TJP1: variants seen among roughly 807,000 people sequenced by gnomAD.
TJP1 encodes the protein tight junction protein ZO-1.
A neutral mutation model predicts 194.2 loss-of-function variants in TJP1; 43 were observed. The observed-to-expected ratio is 0.22, with a 90% confidence interval of 0.17 to 0.29. TJP1 has a LOEUF of 0.29. TJP1 is among the 10% of genes least tolerant of loss of function. The pLI is 1.00. For synonymous variants in TJP1, 801 were observed against 779.0 expected (o/e 1.03, Z -0.47); for missense variants, 1,971 against 2,185.7 (o/e 0.90, Z 1.96).
At chr15:29,933,112 G>A (rs2054773131) in intron 2 of TJP1, among the ~76,000 whole-genome samples, 2 of 151,990 alleles carry the variant, frequency 1.3e-5, no homozygotes, top group Non-Finnish European at 2.9e-5. Flanking sequence ...TCAATATTTT[G>A]GATTTTTTCT....
In TJP1 at chr15:29,700,534, G is replaced by A; in HGVS notation, c.*1061C>T. On this transcript the variant is annotated 3_prime_UTR_variant, in exon 28 of 28. Transcript: ENST00000614355. ...AAAGTTCAAGGCTCAAGAGGTACAGGAGAGAATACAAAGGTAGCCTTTAGA... is the reference window on the plus strand; with the variant it reads ...AAAGTTCAAGGCTCAAGAGGTACAGAAGAGAATACAAAGGTAGCCTTTAGA... 1 of 398,602 alleles carries A rather than the reference G, an allele frequency of 2.5e-6. No individual in the cohort carries two copies. The highest frequency in any genetic ancestry group is 4.4e-6 in the Non-Finnish European group (1 of 225,988). 24.7% of individuals were successfully genotyped at this position (398,602 alleles called of 1,614,324 possible).
At chr15:29,836,399 A>C (rs1184237740) in intron 2 of TJP1, among the ~76,000 whole-genome samples, 1 of 151,874 alleles carries the variant, frequency 6.6e-6, no homozygotes, top group African/African-American at 2.4e-5. Context: ...CAGCCTCCCG[A>C]GTAGCTGGGA....
chr15:29,890,615 C>G (rs143815813), intron 2 of TJP1, among the ~76,000 whole-genome samples: 111 of 152,152 alleles, frequency 7.3e-4, no homozygotes, highest in African/African-American at 2.6e-3. Context: ...CTAATGAAAT[C>G]CTAGGACAGA....
intron 22 of TJP1, among the ~76,000 whole-genome samples, chr15:29,717,661 A>G (rs1332817357): frequency 6.6e-6 from 1 of 152,232 alleles, no homozygotes; most frequent in African/African-American, 2.4e-5. Flanking sequence ...TATCTTAACC[A>G]ATCTGAGTCT....
intron 9 of TJP1, 45 bp from the exon 10 acceptor site, chr15:29,741,481 G>T: frequency 7.6e-7 from 1 of 1,307,782 alleles, no homozygotes; most frequent in Non-Finnish European, 1.1e-6. Flanking sequence ...GAAAAACATG[G>T]AATAATAATG....
intron 27 of TJP1, among the ~76,000 whole-genome samples, chr15:29,702,506 G>C (rs2041612905): frequency 6.6e-6 from 1 of 152,176 alleles, no homozygotes; most frequent in African/African-American, 2.4e-5. Flanking sequence ...CTCTCAAACA[G>C]GAATGACCCT....
chr15:29,882,606 C>A (rs1200258052), intron 2 of TJP1, among the ~76,000 whole-genome samples: 2 of 152,150 alleles, frequency 1.3e-5, no homozygotes, highest in African/African-American at 4.8e-5. Flanking sequence ...AAATTCCTAA[C>A]TGACTTAGGT....
chr15:29,949,588 CTCCACA>C (rs1596310910), intron 2 of TJP1, among the ~76,000 whole-genome samples: 92 of 137,376 alleles, frequency 6.7e-4, no homozygotes, highest in Admixed American at 9.7e-4. Flanking sequence ...CCACCTCCAC[CTCCACA>C]ACCACCACCT....
rs746854978 is a variant in TJP1 at position 29,705,757 on chromosome 15, G to A, written c.4851-12C>T. ...CCACAGCTGAAGGACTGAAAGTTCA[G>A]AAATGGCTAGTGAGTGAATTCCTAA... On this transcript the variant is annotated splice_polypyrimidine_tract_variant and intron_variant, in intron 25 of 27. Transcript: ENST00000614355. 7 of 1,612,942 alleles carry A rather than the reference G, an allele frequency of 4.3e-6. No homozygotes were observed. Among genetic ancestry groups the A allele is most frequent in the Non-Finnish European group, 5.9e-6 (7 of 1,179,142 alleles).
At chr15:29,937,266 A>G (rs1289544272) in intron 2 of TJP1, among the ~76,000 whole-genome samples, 2 of 152,346 alleles carry the variant, frequency 1.3e-5, no homozygotes, top group East Asian at 3.9e-4. Flanking sequence ...GTAATACACT[A>G]GAAAACCAAA....
At chr15:29,706,006 A>G (rs1320893595) in intron 25 of TJP1, among the ~76,000 whole-genome samples, 2 of 152,154 alleles carry the variant, frequency 1.3e-5, no homozygotes, top group African/African-American at 4.8e-5. Context: ...ATCTTGGTTC[A>G]CTGCAACCTC....
chr15:29,734,442 G>T, intron 11 of TJP1, 60 bp from the exon 12 acceptor site: 1 of 1,232,610 alleles, frequency 8.1e-7, no homozygotes, highest in Non-Finnish European at 1.2e-6. Context: ...AATAACATAC[G>T]CAGGACACAG....
intron 2 of TJP1, among the ~76,000 whole-genome samples, chr15:29,939,813 G>A (rs1238311792): frequency 6.6e-6 from 1 of 152,176 alleles, no homozygotes; most frequent in Non-Finnish European, 1.5e-5. Context: ...GACTCAATGA[G>A]ATGATGTCTG....
intron 8 of TJP1, among the ~76,000 whole-genome samples, chr15:29,753,230 T>C (rs1039206502): frequency 6.6e-6 from 1 of 152,136 alleles, no homozygotes; most frequent in Admixed American, 6.6e-5. Context: ...ACGCCTGTAA[T>C]CCCAGCACTT....
chr15:29,754,492 T>A (rs192113720), intron 8 of TJP1, among the ~76,000 whole-genome samples: 3 of 152,186 alleles, frequency 2.0e-5, no homozygotes, highest in East Asian at 3.9e-4. Flanking sequence ...CAAACCTGCA[T>A]ATGTACCCCT....
chr15:29,805,757 G>C (rs570739907), intron 1 of TJP1, among the ~76,000 whole-genome samples: 1 of 152,272 alleles, frequency 6.6e-6, no homozygotes, highest in East Asian at 1.9e-4. Flanking sequence ...ATAGATAAGA[G>C]CTGTTATGGA....
intron 2 of TJP1, among the ~76,000 whole-genome samples, chr15:29,860,807 C>A (rs2052051076): frequency 6.6e-6 from 1 of 152,100 alleles, no homozygotes; most frequent in South Asian, 2.1e-4. Context: ...TTATGGCAAC[C>A]CTGTATCTAG....
At chr15:29,761,400 G>C in intron 7 of TJP1, 114 bp from the exon 8 acceptor site, 1 of 1,359,226 alleles carries the variant, frequency 7.4e-7, no homozygotes, top group South Asian at 1.4e-5. Flanking sequence ...TAAAATGGAA[G>C]ATTTATGCAT....
At chr15:29,745,950 A>AGAACTGGGGGT (rs756230847) in intron 8 of TJP1, among the ~76,000 whole-genome samples, 1 of 152,238 alleles carries the variant, frequency 6.6e-6, no homozygotes, top group African/African-American at 2.4e-5. Flanking sequence ...AAGAAGAGTG[A>AGAACTGGGGGT]GAACTGGGGG....
Sources: gnomAD v4.1 joint callset for allele counts (sites outside exome capture counted in the v4.1 genomes callset) on GRCh38, gnomAD v4.1.1 for gene constraint, MANE v1.5 for transcripts, NCBI Gene and HGNC (gene_info 2026-07-23, HGNC 2026-07-21) for gene names.